The following GALK1 variants were observed in gnomAD, a reference collection of about 807,000 sequenced individuals.
GALK1 encodes the protein galactokinase 1, also known as galactokinase.
Under a neutral mutation model 38.6 loss-of-function variants are expected in GALK1, and 30 were observed. That is an observed-to-expected ratio of 0.78 (90% confidence interval 0.58 to 1.05). GALK1 has a LOEUF of 1.05. Among genes scored for constraint, GALK1 ranks in the 50% least tolerant of loss-of-function variants. The pLI, the probability that GALK1 is intolerant of heterozygous loss-of-function variation, is 0.00. For synonymous variants in GALK1, 240 were observed against 233.6 expected, an observed-to-expected ratio of 1.03 and a Z score of -0.25; for missense variants, 512 against 540.5, an observed-to-expected ratio of 0.95 and a Z score of 0.52.
At chr17:75,764,833 G>A (rs1235211000) in intron 1 of GALK1, 139 bp downstream of exon 1, 1 of 917,058 alleles carries the variant, frequency 1.1e-6, no homozygotes, top group South Asian at 1.6e-5. Context: ...GGACTCTTCC[G>A]TGCACCGGTG....
At chr17:75,757,803 G>C, downstream of GALK1, 1 of 664,014 alleles carries the variant, frequency 1.5e-6, no homozygotes, top group Non-Finnish European at 2.6e-6. Flanking sequence ...CTTAATAAAT[G>C]GTTTTGCTAC....
downstream of GALK1, chr17:75,755,871 G>A (rs772807976): frequency 6.3e-7 from 1 of 1,597,826 alleles, no homozygotes; most frequent in Non-Finnish European, 8.5e-7. Flanking sequence ...GTGGCTGCCA[G>A]GCTGCGGGGT....
chr17:75,757,236 T>G (rs759756058), downstream of GALK1: 3 of 1,611,864 alleles, frequency 1.9e-6, no homozygotes, highest in Non-Finnish European at 2.5e-6. Flanking sequence ...GCCGGGCTCT[T>G]CCAGCACCCG....
downstream of GALK1, chr17:75,756,920 C>T: frequency 6.2e-7 from 1 of 1,612,366 alleles, no homozygotes; most frequent in Non-Finnish European, 8.5e-7. Flanking sequence ...GCCGCAGACG[C>T]TGAAGGCATC....
At position 75,758,693 on chromosome 17, in the gene GALK1, CT is replaced by C. The variant is rs2061569696; in HGVS notation, c.794-95del. ...CAGGCGGTGATGGCAGTGGCCCTGG[CT>C]GGACGGTGAAGGGTGGAAGGCCGCG... On this transcript the variant is annotated intron_variant, in intron 5 of 7. Transcript: ENST00000588479. 9 of 1,491,522 alleles carry C rather than the reference CT, an allele frequency of 6.0e-6. 1 individual carries two copies. In the Admixed American group the frequency reaches 7.9e-5, roughly 13 times the overall value. 92.4% of individuals were successfully genotyped at this position (1,491,522 alleles called of 1,614,324 possible).
chr17:75,762,670 C>T (rs761765488), intron 5 of GALK1, 34 bp downstream of exon 5: 23 of 1,611,130 alleles, frequency 1.4e-5, no homozygotes, highest in Non-Finnish European at 1.9e-5. Flanking sequence ...GGAGCACAGC[C>T]GCCTCCAGGA....
At position 75,758,281 on chromosome 17, in the gene GALK1, C is replaced by T. The variant is rs375690568; in HGVS notation, c.1036G>A (p.Gly346Ser). 92 of 1,592,342 alleles carry T rather than the reference C, an allele frequency of 5.8e-5. No homozygotes were observed. The highest frequency in any genetic ancestry group is 7.2e-5 in the Non-Finnish European group (84 of 1,170,550). ...PGVYGSRMTG[G>S]GFGGCTVTLL... Reference sequence around the variant, plus strand: ...GTCACCGTGCAGCCACCGAAGCCACCGCCCGTCATGCGGCTGCCATAAACC... The same window carrying T: ...GTCACCGTGCAGCCACCGAAGCCACTGCCCGTCATGCGGCTGCCATAAACC... Residue 346 changes from glycine to serine, a missense_variant, in exon 7 of 8, where the codon GGT becomes AGT. Coordinates refer to ENST00000588479, the MANE Select transcript of GALK1 (RefSeq NM_000154.2).
Position 75,765,104 on chromosome 17 carries a change from C to T in GALK1, c.33G>A (p.Glu11=), listed in dbSNP as rs2143608612. 3 of 1,586,890 alleles carry T rather than the reference C, an allele frequency of 1.9e-6. No individual in the cohort carries two copies. The highest frequency in any genetic ancestry group is 2.3e-5 in the East Asian group (1 of 43,504). MAALRQPQVA[E]LLAEARRAFR... ...AGGCTCGCCGGGCCTCGGCCAGCAG[C>T]TCCGCGACCTGGGGCTGTCTCAAAG... Residue 11 remains glutamate (E), a synonymous_variant, in exon 1 of 8, where the codon GAG becomes GAA. Coordinates refer to ENST00000588479, the MANE Select transcript of GALK1 (RefSeq NM_000154.2).
In GALK1 at chr17:75,763,900, G is replaced by T. The variant is rs756457122; in HGVS notation, c.352C>A (p.Pro118Thr). The change falls in exon 2 of 8, where the codon CCA becomes ACA. Residue 118 changes from proline (P) to threonine (T), a missense_variant. By Grantham distance (38) the Pro-to-Thr change is conservative. Transcript: ENST00000588479. ...NYVKGVIQYY[P>T]AAPLPGFSAV... ...GGCTCAGGCCTGGGCCCCATACCTG[G>T]GTAGTACTGAATCACTCCCTTGACA... is the stretch of plus-strand genomic sequence containing the variant. 6.2e-7 allele frequency: 1 copy of T among 1,613,750 alleles called. No individual in the cohort carries two copies. Among genetic ancestry groups the T allele is most frequent in the Non-Finnish European group, 8.5e-7 (1 of 1,179,926 alleles).
At position 75,765,021 on chromosome 17, in the gene GALK1, T is replaced by C. The variant is rs536209426; in HGVS notation, c.116A>G (p.Asn39Ser). 4.0e-5 allele frequency: 64 copies of C among 1,610,662 alleles called. 1 individual carries two copies. In the Middle Eastern group the frequency reaches 6.6e-4, roughly 17 times the overall value. ...GTAGTCCGTGTGTTCCCCGATGAGG[T>C]TGACGCGGCCCGGCGCTGACACGGC... ...ELAVSAPGRVNLIGEHTDYNQ... is the reference protein window; with the variant it reads ...ELAVSAPGRVSLIGEHTDYNQ... The change falls in exon 1 of 8, where the codon AAC becomes AGC. Residue 39 changes from asparagine (N) to serine (S), a missense_variant. Transcript: ENST00000588479.
At position 75,758,134 on chromosome 17, in the gene GALK1, G is replaced by C. The variant is rs2143584071; in HGVS notation, c.1108-7C>G. On this transcript the variant is annotated splice_region_variant and splice_polypyrimidine_tract_variant and intron_variant, in intron 7 of 7. Coordinates refer to ENST00000588479, the MANE Select transcript of GALK1 (RefSeq NM_000154.2). ...CAGTCCCGCCGTAGTGCTCCTGTAA[G>C]AGGCGGGCTGGGGGTGAGTGGCAGG... 1 of 1,612,588 alleles carries C rather than the reference G, an allele frequency of 6.2e-7. No individual in the cohort carries two copies. The highest frequency in any genetic ancestry group is 1.3e-5 in the African/African-American group (1 of 75,052).
chr17:75,753,410 A>G (rs969915408), downstream of GALK1, among the ~76,000 whole-genome samples: 6 of 152,052 alleles, frequency 3.9e-5, no homozygotes, highest in African/African-American at 9.7e-5. Flanking sequence ...TCCTCTCTCC[A>G]TTGTACAAAC....
chr17:75,762,932 T>C (rs777292967), intron 4 of GALK1, 47 bp from the exon 5 acceptor site: 1 of 1,583,322 alleles, frequency 6.3e-7, no homozygotes, highest in South Asian at 1.1e-5. Context: ...AAGCGTGTGC[T>C]TGCTGCGCCA....
At chr17:75,756,744 G>T (rs754607950), downstream of GALK1, 3 of 1,612,926 alleles carry the variant, frequency 1.9e-6, no homozygotes, top group Non-Finnish European at 1.7e-6. Flanking sequence ...CCCCAGGCCC[G>T]CTGGTGTTCA....
At chr17:75,764,753 G>A in intron 1 of GALK1, 1 of 628,468 alleles carries the variant, frequency 1.6e-6, no homozygotes. Context: ...GAGCCAAGAG[G>A]CGGCCGCGCA....
At chr17:75,764,451 A>G (rs776821127) in intron 1 of GALK1, 7 of 565,464 alleles carry the variant, frequency 1.2e-5, no homozygotes, top group Middle Eastern at 2.9e-4. Flanking sequence ...GATGGGGCGG[A>G]AAGCGCCCCC....
downstream of GALK1, chr17:75,757,556 C>G (rs759189560): frequency 1.2e-6 from 2 of 1,613,378 alleles, no homozygotes; most frequent in Non-Finnish European, 1.7e-6. Context: ...CCAAACTTGA[C>G]CGCACCCTGC....
At chr17:75,756,838 T>A (rs778733161), downstream of GALK1, 3 of 1,612,312 alleles carry the variant, frequency 1.9e-6, no homozygotes, top group South Asian at 3.3e-5. Flanking sequence ...CCTGGTGACC[T>A]GTGAGATGGC....
chr17:75,764,462 C>G, intron 1 of GALK1: 1 of 556,052 alleles, frequency 1.8e-6, no homozygotes, highest in Non-Finnish European at 3.5e-6. Context: ...AAGCGCCCCC[C>G]GCTGAAAGCT....
Sources: gnomAD v4.1 joint callset for allele counts (sites outside exome capture counted in the v4.1 genomes callset) on GRCh38, gnomAD v4.1.1 for gene constraint, MANE v1.5 for transcripts, NCBI Gene and HGNC (gene_info 2026-07-23, HGNC 2026-07-21) for gene names.